Variants in ACSL6 observed in about 807,000 individuals in gnomAD.
ACSL6 encodes the protein acyl-CoA synthetase long chain family member 6.
In ACSL6, 47 loss-of-function variants were observed where a neutral mutation model predicts 98.2. The ratio of observed to expected loss-of-function variants is 0.48; its 90% CI spans 0.38 to 0.61. ACSL6 has a LOEUF of 0.61. Ranked by LOEUF, ACSL6 falls within the 20% of genes least tolerant of loss-of-function variation. ACSL6 has a pLI of 0.00. For missense variants in ACSL6, 761 were observed against 913.4 expected (o/e 0.83, Z 2.15); for synonymous variants, 362 against 336.9 (o/e 1.07, Z -0.82).
chr5:132,008,699 A>G (rs247003), intron 1 of ACSL6, among the ~76,000 whole-genome samples: 55,151 of 152,114 alleles, frequency 0.36, 11,456 homozygotes, highest in South Asian at 0.66. Context: ...TTCTTCCACA[A>G]ACTCTGCTAG....
At chr5:131,975,600 G>A (rs1561788856) in intron 10 of ACSL6, 35 of 912,420 alleles carry the variant, frequency 3.8e-5, no homozygotes, top group Admixed American at 6.6e-5. Context: ...GGCCTCACAA[G>A]CCATCCCTGG....
chr5:132,011,997 C>A, upstream of ACSL6: 1 of 1,491,674 alleles, frequency 6.7e-7, no homozygotes, highest in East Asian at 2.7e-5. The surrounding 1 kb of genome is among the most constrained non-coding windows in gnomAD (Gnocchi z 5.4). Context: ...CCGCCGCCAC[C>A]CACCCCATCA....
chr5:131,952,402 T>C lies in ACSL6; in HGVS notation c.*1832A>G, dbSNP rs1436473287. The C allele has an allele frequency of 4.8e-6, 1 of 208,546 alleles. No individual in the cohort carries two copies. Among genetic ancestry groups the C allele is most frequent in the Non-Finnish European group, 9.8e-6 (1 of 102,546 alleles). The allele number at this position is 208,546 out of a possible 1,614,324, so 12.9% of individuals were successfully genotyped here. A position where few individuals can be genotyped will look rare whatever the true frequency, so the allele number is the denominator to read the frequency against. The stretch of plus-strand genomic sequence containing the variant: ...ACAAGACTGAAATATAAGTATATAA[T>C]CACTGATGCATATTTATTCAGTAGG... On this transcript the variant is annotated 3_prime_UTR_variant, in exon 21 of 21. Transcript: ENST00000651883.
In ACSL6 at chr5:132,011,380, G is replaced by A; in HGVS notation, c.49+125C>T. ...CTTAGGCGGCCCTGGGGACCTTGAC[G>A]GGACAGCTCAGCAGCAGGGGATGGG... On this transcript the variant is annotated intron_variant, in intron 1 of 20. Coordinates refer to ENST00000651883, the MANE Select transcript of ACSL6 (RefSeq NM_001009185.3). This position sits in a 1 kb window ranked among gnomAD's most constrained non-coding sequence, Gnocchi z 5.4. 3 of 1,085,796 alleles carry A rather than the reference G, an allele frequency of 2.8e-6. No individual in the cohort carries two copies. The highest frequency in any genetic ancestry group is 2.7e-5 in the East Asian group (1 of 37,220). The allele number at this position is 1,085,796 out of a possible 1,614,324, so 67.3% of individuals were successfully genotyped here.
intron 1 of ACSL6, among the ~76,000 whole-genome samples, chr5:132,003,302 A>G (rs1755193981): frequency 6.6e-6 from 1 of 152,162 alleles, no homozygotes; most frequent in Non-Finnish European, 1.5e-5. Flanking sequence ...CAGGCGGCAC[A>G]GCAGCTGCAG....
At position 131,951,923 on chromosome 5, in the gene ACSL6, T is replaced by A. The variant is rs1752184600; in HGVS notation, c.*2311A>T. ...ATATTAAGTTGTCCATAATCTGTTA[T>A]ATCTAACTATTATAAAGTATAAATA... On this transcript the variant is annotated 3_prime_UTR_variant, in exon 21 of 21. Coordinates refer to ENST00000651883, the MANE Select transcript of ACSL6 (RefSeq NM_001009185.3). 5.8e-6 allele frequency: 1 copy of A among 171,638 alleles called. No individual in the cohort carries two copies. The highest frequency in any genetic ancestry group is 2.4e-5 in the African/African-American group (1 of 42,112). The allele number at this position is 171,638 out of a possible 1,614,324, so 10.6% of individuals were successfully genotyped here. A position where few individuals can be genotyped will look rare whatever the true frequency, so the allele number is the denominator to read the frequency against.
chr5:132,003,768 G>A (rs548234219), intron 1 of ACSL6: 1 of 152,348 alleles, frequency 6.6e-6, no homozygotes, highest in South Asian at 2.1e-4. Flanking sequence ...ATCATCTTTG[G>A]AGACGGAACT....
chr5:131,955,569 G>C (rs755973903), intron 20 of ACSL6, among the ~76,000 whole-genome samples: 1 of 152,172 alleles, frequency 6.6e-6, no homozygotes, highest in Non-Finnish European at 1.5e-5. Context: ...GATAGGTAAG[G>C]GTAGAAAGGA....
chr5:131,970,291 C>A, intron 14 of ACSL6, 91 bp from the exon 15 acceptor site: 1 of 1,157,804 alleles, frequency 8.6e-7, no homozygotes. Context: ...TCCCACTGAG[C>A]GTGTCTGACT....
chr5:132,001,037 G>A (rs918878621), intron 1 of ACSL6, among the ~76,000 whole-genome samples: 3 of 152,026 alleles, frequency 2.0e-5, no homozygotes, highest in Non-Finnish European at 2.9e-5. Context: ...TAAAATGAAC[G>A]AATATCTGAG....
intron 16 of ACSL6, among the ~76,000 whole-genome samples, chr5:131,967,696 T>C (rs951568004): frequency 3.5e-5 from 5 of 144,664 alleles, no homozygotes; most frequent in African/African-American, 1.3e-4. Flanking sequence ...ATAATAATAA[T>C]AATTAATTAA....
chr5:131,993,747 T>A (rs187339447), intron 2 of ACSL6: 95 of 419,580 alleles, frequency 2.3e-4, no homozygotes, highest in Admixed American at 1.1e-3. Context: ...CCTACTGCAA[T>A]ACCAATGAGC....
Position 132,011,247 on chromosome 5 carries a change from G to A in ACSL6, c.49+258C>T, listed in dbSNP as rs200860625. Among the ~76,000 whole-genome samples the A allele has an allele frequency of 1.8e-4, 28 of 152,276 alleles. No homozygotes were observed. In the East Asian group the frequency reaches 5.0e-3, roughly 27 times the overall value. ...GGAAGGGGGACGCAAGAACTCGGCG[G>A]GGGTTTGTGGTGGGGTCGCAGAGAG... On this transcript the variant is annotated intron_variant, in intron 1 of 20. Transcript: ENST00000651883. The surrounding 1 kb of genome is among the most constrained non-coding windows in gnomAD (Gnocchi z 5.4).
intron 9 of ACSL6, among the ~76,000 whole-genome samples, chr5:131,979,003 A>T (rs971647716): frequency 2.6e-5 from 4 of 152,228 alleles, no homozygotes; most frequent in African/African-American, 9.7e-5. Context: ...GACATGATTT[A>T]AAAAGTTACA....
chr5:131,976,207 A>G, intron 10 of ACSL6: 1 of 985,476 alleles, frequency 1.0e-6, no homozygotes, highest in Non-Finnish European at 1.2e-6. Flanking sequence ...CTTATAAATT[A>G]GCAGTTGCCG....
At position 131,952,562 on chromosome 5, in the gene ACSL6, G is replaced by C; in HGVS notation, c.*1672C>G. On this transcript the variant is annotated 3_prime_UTR_variant, in exon 21 of 21. Transcript: ENST00000651883. ...TAAATTAACACATGAATTGCATATG[G>C]ATTGTTGATATGCTTTTAGAGTCTT... 1 of 214,610 alleles carries C rather than the reference G, an allele frequency of 4.7e-6. No individual in the cohort carries two copies. 13.3% of individuals were successfully genotyped at this position (214,610 alleles called of 1,614,324 possible). A position where few individuals can be genotyped will look rare whatever the true frequency, so the allele number is the denominator to read the frequency against.
At chr5:132,001,403 A>G (rs778202525) in intron 1 of ACSL6, among the ~76,000 whole-genome samples, 4 of 152,180 alleles carry the variant, frequency 2.6e-5, no homozygotes, top group African/African-American at 4.8e-5. Context: ...CTCTGCTGTG[A>G]GAGAAGGGTT....
At chr5:131,960,234 C>A (rs1219383091) in intron 19 of ACSL6, among the ~76,000 whole-genome samples, 1 of 152,030 alleles carries the variant, frequency 6.6e-6, no homozygotes, top group Non-Finnish European at 1.5e-5. Context: ...AGTTACCCCC[C>A]TCCCTGGACT....
At chr5:131,963,218 G>A (rs2149696072) in intron 17 of ACSL6, among the ~76,000 whole-genome samples, 1 of 152,230 alleles carries the variant, frequency 6.6e-6, no homozygotes, top group South Asian at 2.1e-4. Context: ...ATGGCACTAG[G>A]AGCCCAGGCC....
Sources: allele counts gnomAD v4.1 joint callset (sites outside exome capture counted in the v4.1 genomes callset), GRCh38; gene constraint gnomAD v4.1.1; non-coding constraint Gnocchi (gnomAD v3.1); transcripts MANE v1.5; gene names NCBI Gene and HGNC (gene_info 2026-07-23, HGNC 2026-07-21).